Variants in MTRF1 observed in about 807,000 individuals in gnomAD.
The protein encoded by MTRF1 is mitochondrial translation release factor 1, also known as peptide chain release factor 1, mitochondrial.
In MTRF1, 51 loss-of-function variants were observed where a neutral mutation model predicts 62.9. The ratio of observed to expected loss-of-function variants is 0.81; its 90% confidence interval spans 0.65 to 1.02. MTRF1 has a LOEUF of 1.02. MTRF1 is among the 50% of genes least tolerant of loss of function. MTRF1 has a pLI of 0.00. For missense variants in MTRF1, 446 were observed against 530.0 expected (o/e 0.84, Z 1.56); for synonymous variants, 158 against 181.9 (o/e 0.87, Z 1.06).
the MTRF1 span, chr13:41,311,290 C>T: frequency 5.5e-6 from 3 of 548,242 alleles, no homozygotes; most frequent in Non-Finnish European, 6.4e-6. Flanking sequence ...ACCGCCGCCG[C>T]CGCCGCTGGC....
At chr13:41,289,499 G>A in the MTRF1 span, among the ~76,000 whole-genome samples, 1 of 152,186 alleles carries the variant, frequency 6.6e-6, no homozygotes, top group Admixed American at 6.5e-5. Flanking sequence ...GCCTCTCAAA[G>A]TGCTAGGATT....
At chr13:41,227,398 G>A (rs112510817) in intron 7 of MTRF1, among the ~76,000 whole-genome samples, 3,588 of 152,202 alleles carry the variant, frequency 0.024, 71 homozygotes, top group Non-Finnish European at 0.044. Context: ...AGTTTTCTGA[G>A]TTCTAAATTT....
At chr13:41,239,926 C>T (rs890813742) in intron 6 of MTRF1, among the ~76,000 whole-genome samples, 3 of 152,034 alleles carry the variant, frequency 2.0e-5, no homozygotes, top group Non-Finnish European at 2.9e-5. Context: ...TTTGGAAGGG[C>T]GAGACAGGCG....
the MTRF1 span, among the ~76,000 whole-genome samples, chr13:41,309,383 T>TGTGTGTGTGTGTGTG: frequency 1.5e-4 from 22 of 144,794 alleles, no homozygotes; most frequent in Middle Eastern, 3.5e-3. Context: ...TGTGTGTGTG[T>TGTGTGTGTGTGTGTG]TTGCCATGTT....
the MTRF1 span, among the ~76,000 whole-genome samples, chr13:41,290,089 CTTTT>C: frequency 8.2e-3 from 641 of 78,422 alleles, 1 homozygote; most frequent in Non-Finnish European, 0.012. Context: ...TGTAATAGTT[CTTTT>C]TTTTTTTTTT....
At chr13:41,306,138 T>A in the MTRF1 span, among the ~76,000 whole-genome samples, 4 of 151,962 alleles carry the variant, frequency 2.6e-5, no homozygotes, top group South Asian at 2.1e-4. Flanking sequence ...ATCCCAGCAC[T>A]TTGGGAGGCC....
At chr13:41,246,113 CA>C (rs2038220255) in intron 5 of MTRF1, among the ~76,000 whole-genome samples, 1 of 152,166 alleles carries the variant, frequency 6.6e-6, no homozygotes, top group African/African-American at 2.4e-5. Context: ...AACTGGCTCC[CA>C]AATTCCAGAG....
At chr13:41,268,770 C>T in the MTRF1 span, among the ~76,000 whole-genome samples, 5 of 152,018 alleles carry the variant, frequency 3.3e-5, no homozygotes, top group African/African-American at 1.2e-4. Flanking sequence ...ACTATAATCT[C>T]CTGTAATTTA....
Position 41,242,792 on chromosome 13 carries a change from T to TA in MTRF1, c.698-2360dup, listed in dbSNP as rs905326682. Among the ~76,000 whole-genome samples the TA allele has an allele frequency of 2.9e-3, 436 of 151,788 alleles. 2 individuals carry two copies. Among genetic ancestry groups the TA allele is most frequent in the African/African-American group, 9.6e-3 (397 of 41,400 alleles). ...AATGTGCAGCATGCTTACTGCGCAT[T>TA]AAAAAAAATGGCTGGGCGCAGTGGT... On this transcript the variant is annotated intron_variant, in intron 5 of 9. Coordinates refer to ENST00000379480, the MANE Select transcript of MTRF1 (RefSeq NM_004294.4).
chr13:41,218,463 G>A (rs1444435473), intron 9 of MTRF1, among the ~76,000 whole-genome samples: 1 of 151,830 alleles, frequency 6.6e-6, no homozygotes, highest in African/African-American at 2.4e-5. Context: ...GAAAAAGTTT[G>A]AAATAAAAAG....
chr13:41,287,047 A>G, the MTRF1 span, among the ~76,000 whole-genome samples: 2 of 152,232 alleles, frequency 1.3e-5, no homozygotes, highest in Non-Finnish European at 2.9e-5. Flanking sequence ...TCTTAACATA[A>G]CAATGCAACT....
At chr13:41,267,591 A>G (rs1449576415), upstream of MTRF1, among the ~76,000 whole-genome samples, 1 of 152,208 alleles carries the variant, frequency 6.6e-6, no homozygotes, top group Non-Finnish European at 1.5e-5. Context: ...ATAAAAAGCC[A>G]GGCGCTGTGG....
At chr13:41,276,177 CT>C in the MTRF1 span, among the ~76,000 whole-genome samples, 8,050 of 145,934 alleles carry the variant, frequency 0.055, 269 homozygotes, top group Non-Finnish European at 0.076. Flanking sequence ...TAATCAGTTC[CT>C]TTTTTTTTTT....
At chr13:41,266,758 C>T (rs925166711), upstream of MTRF1, among the ~76,000 whole-genome samples, 48 of 152,118 alleles carry the variant, frequency 3.2e-4, no homozygotes, top group Admixed American at 1.2e-3. Context: ...CTTTGGGAGC[C>T]GAGGTGGGTG....
chr13:41,286,543 C>T, the MTRF1 span, among the ~76,000 whole-genome samples: 1 of 152,186 alleles, frequency 6.6e-6, no homozygotes, highest in Non-Finnish European at 1.5e-5. Context: ...GATTTAAAAA[C>T]AATTGTTTTA....
In MTRF1 at chr13:41,243,977, T is replaced by C. The variant is rs191707564; in HGVS notation, c.698-3544A>G. ...ATACTGTCAGATCATACAGTCCTTATGTAACAAATTTATTCCCCTTAGCCC... is the reference window on the plus strand; with the variant it reads ...ATACTGTCAGATCATACAGTCCTTACGTAACAAATTTATTCCCCTTAGCCC... On this transcript the variant is annotated intron_variant, in intron 5 of 9. Transcript: ENST00000379480. Among the ~76,000 whole-genome samples the C allele has an allele frequency of 2.6e-3, 396 of 152,358 alleles. 1 individual carries two copies. The highest frequency in any genetic ancestry group is 0.014 in the Middle Eastern group (4 of 294).
the MTRF1 span, among the ~76,000 whole-genome samples, chr13:41,293,100 G>A: frequency 6.6e-6 from 1 of 152,088 alleles, no homozygotes; most frequent in African/African-American, 2.4e-5. Context: ...GAACCAGTGA[G>A]TTTTTATTAC....
intron 9 of MTRF1, among the ~76,000 whole-genome samples, chr13:41,222,487 G>GT (rs1291890910): frequency 6.6e-6 from 1 of 152,136 alleles, no homozygotes. Flanking sequence ...AAATGATGGA[G>GT]TATCATTCTA....
intron 5 of MTRF1, chr13:41,252,282 T>C (rs990364234): frequency 1.4e-5 from 2 of 147,964 alleles, no homozygotes; most frequent in African/African-American, 5.1e-5. Flanking sequence ...AGCCACTTAG[T>C]CTAATTAGTA....
Sources: gnomAD v4.1 joint callset for allele counts (sites outside exome capture counted in the v4.1 genomes callset) on GRCh38, gnomAD v4.1.1 for gene constraint, MANE v1.5 for transcripts, NCBI Gene and HGNC (gene_info 2026-07-23, HGNC 2026-07-21) for gene names.